ALOX5: variants seen among roughly 807,000 people sequenced by gnomAD.
ALOX5 encodes polyunsaturated fatty acid 5-lipoxygenase.
In ALOX5, 64 loss-of-function variants were observed where a neutral mutation model predicts 87.9. That is an observed-to-expected ratio of 0.73 (90% CI 0.60 to 0.90). The LOEUF is 0.90. Ranked by LOEUF, ALOX5 falls within the 40% of genes least tolerant of loss-of-function variation. The probability of loss-of-function intolerance (pLI) is 0.00; values close to 1 mark genes in which losing one functional copy is unlikely to be tolerated. For missense variants in ALOX5, 822 were observed against 907.5 expected, an observed-to-expected ratio of 0.91 and a Z score of 1.21; for synonymous variants, 388 against 355.1, an observed-to-expected ratio of 1.09 and a Z score of -1.04.
At chr10:45,396,289 T>C (rs17153289) in intron 3 of ALOX5, among the ~76,000 whole-genome samples, 3,416 of 152,188 alleles carry the variant, frequency 0.022, 124 homozygotes, top group African/African-American at 0.078. Flanking sequence ...TGATCAGCAA[T>C]AAAATTGACA....
At chr10:45,382,053 C>A (rs1209036582) in intron 1 of ALOX5, among the ~76,000 whole-genome samples, 6 of 152,166 alleles carry the variant, frequency 3.9e-5, no homozygotes, top group Admixed American at 3.9e-4. Context: ...AAGATGAAGA[C>A]CCCAAGAAGC....
At chr10:45,429,625 T>C (rs919802907) in intron 7 of ALOX5, among the ~76,000 whole-genome samples, 10 of 152,130 alleles carry the variant, frequency 6.6e-5, no homozygotes, top group Admixed American at 5.9e-4. Flanking sequence ...AAGCAATAGG[T>C]GAGGTTATTT....
rs1198875200 is a variant in ALOX5 at position 45,393,369 on chromosome 10, T to C, written c.350-2486T>C. Among the ~76,000 whole-genome samples, 6 of 152,176 alleles carry C rather than the reference T, an allele frequency of 3.9e-5. No homozygotes were observed. The East Asian group carries it at 9.6e-4, about 24-fold the overall frequency. ...GACAAAAACCACATGATTATCTCAA[T>C]AGATGCAGAAAAGGCCTTTGACAAA... On this transcript the variant is annotated intron_variant, in intron 2 of 13. Coordinates refer to ENST00000374391, the MANE Select transcript of ALOX5 (RefSeq NM_000698.5).
Position 45,374,244 on chromosome 10 carries a change from A to T in ALOX5, c.-36A>T. On this transcript the variant is annotated 5_prime_UTR_variant, in exon 1 of 14. Coordinates refer to ENST00000374391, the MANE Select transcript of ALOX5 (RefSeq NM_000698.5). ...TGCGGACACCTGGACCGCCGCGCCGAGGCTCCCGGCGCTCGCTGCTCCCGC... is the reference window on the plus strand; with the variant it reads ...TGCGGACACCTGGACCGCCGCGCCGTGGCTCCCGGCGCTCGCTGCTCCCGC... 1 of 1,448,738 alleles carries T rather than the reference A, an allele frequency of 6.9e-7. No individual in the cohort carries two copies. The highest frequency in any genetic ancestry group is 9.1e-7 in the Non-Finnish European group (1 of 1,100,206). 89.7% of individuals were successfully genotyped at this position (1,448,738 alleles called of 1,614,324 possible). A position where few individuals can be genotyped will look rare whatever the true frequency, so the allele number is the denominator to read the frequency against.
chr10:45,410,674 T>C lies in ALOX5; in HGVS notation c.432-1517T>C, dbSNP rs200634300. ...TTTACTTTCCTCTCAAAAGAAAATT[T>C]TAAAAGGAAGGAGAATTAGGAATAT... is the stretch of plus-strand genomic sequence containing the variant. On this transcript the variant is annotated intron_variant, in intron 3 of 13. Coordinates refer to ENST00000374391, the MANE Select transcript of ALOX5 (RefSeq NM_000698.5). Among the ~76,000 whole-genome samples the C allele has an allele frequency of 3.9e-5, 6 of 152,322 alleles. No homozygotes were observed. In the East Asian group the frequency reaches 1.2e-3, roughly 29 times the overall value.
Position 45,412,314 on chromosome 10 carries a change from G to A in ALOX5, c.554+1G>A, listed in dbSNP as rs199499510. 1.6e-5 allele frequency: 26 copies of A among 1,614,084 alleles called. No homozygotes were observed. The highest frequency in any genetic ancestry group is 5.0e-5 in the Admixed American group (3 of 60,020). On this transcript the variant is annotated splice_donor_variant, in intron 4 of 13. Transcript: ENST00000374391. LOFTEE classifies it high-confidence loss of function. The stretch of plus-strand genomic sequence containing the variant: ...ACTTTGTTCTGAATTACTCCAAAGC[G>A]TAAGTTTACGAGAACTGAGGGACTC...
intron 13 of ALOX5, among the ~76,000 whole-genome samples, chr10:45,445,019 C>T (rs911511681): frequency 6.6e-6 from 1 of 152,260 alleles, no homozygotes; most frequent in Non-Finnish European, 1.5e-5. Flanking sequence ...TCTAGCTCTG[C>T]CCCGCAGACA....
intron 4 of ALOX5, among the ~76,000 whole-genome samples, chr10:45,417,310 A>G (rs2132778598): frequency 6.6e-6 from 1 of 152,198 alleles, no homozygotes; most frequent in African/African-American, 2.4e-5. Context: ...CATGCTGCCC[A>G]CTCTGCACAA....
chr10:45,442,377 G>A (rs975041428), intron 9 of ALOX5, among the ~76,000 whole-genome samples: 4 of 152,206 alleles, frequency 2.6e-5, no homozygotes, highest in African/African-American at 9.6e-5. Context: ...TCCTGCTTGG[G>A]CTGAATGCCC....
Position 45,374,431 on chromosome 10 carries a change from TGAGCGCGGGCGGGGCACGGGTG to T in ALOX5, c.150+13_150+34del. Reference sequence around the variant, plus strand: ...TACAACGACTTCGAGCGTGGCGCGGTGAGCGCGGGCGGGGCACGGGTGGAGCGCGGGCTGAGGTGCGTCCGGG... The same window carrying T: ...TACAACGACTTCGAGCGTGGCGCGGTGAGCGCGGGCTGAGGTGCGTCCGGG... On this transcript the variant is annotated splice_donor_5th_base_variant and intron_variant, in intron 1 of 13. Coordinates refer to ENST00000374391, the MANE Select transcript of ALOX5 (RefSeq NM_000698.5). 15 of 1,545,788 alleles carry T rather than the reference TGAGCGCGGGCGGGGCACGGGTG, an allele frequency of 9.7e-6. No homozygotes were observed. Among genetic ancestry groups the T allele is most frequent in the Non-Finnish European group, 1.2e-5 (14 of 1,151,058 alleles).
intron 7 of ALOX5, among the ~76,000 whole-genome samples, chr10:45,438,622 G>A (rs1842129313): frequency 6.6e-6 from 1 of 152,234 alleles, no homozygotes; most frequent in African/African-American, 2.4e-5. Flanking sequence ...CTAGGGCACA[G>A]ATCAGGTATC....
chr10:45,391,374 C>T (rs377086461), intron 2 of ALOX5, among the ~76,000 whole-genome samples: 5 of 152,208 alleles, frequency 3.3e-5, no homozygotes, highest in East Asian at 1.9e-4. Flanking sequence ...GGATTGCAGA[C>T]GGAGTCTCAT....
chr10:45,414,266 C>A (rs1841183053), intron 4 of ALOX5, among the ~76,000 whole-genome samples: 1 of 151,812 alleles, frequency 6.6e-6, no homozygotes, highest in Non-Finnish European at 1.5e-5. Flanking sequence ...CAGAACAGAG[C>A]CCTCAGAAAT....
Position 45,443,094 on chromosome 10 carries a change from C to T in ALOX5, c.1329C>T (p.Asp443=), listed in dbSNP as rs1387647651. The change falls in exon 10 of 14, where the codon GAC becomes GAT. Residue 443 remains aspartate (D), a synonymous_variant. Transcript: ENST00000374391. ...AGATGGTGCAGAGGGCCATGAAGGA[C>T]CTGACCTATGCCTCCCTGTGCTTTC... is the stretch of plus-strand genomic sequence containing the variant. ...HVQMVQRAMK[D]LTYASLCFPE... is the part of the protein sequence containing the mutation. 2 of 1,613,766 alleles carry T rather than the reference C, an allele frequency of 1.2e-6. No individual in the cohort carries two copies. The highest frequency in any genetic ancestry group is 2.2e-5 in the South Asian group (2 of 91,084).
At position 45,385,218 on chromosome 10, in the gene ALOX5, G is replaced by A. The variant is rs1839970194; in HGVS notation, c.349+2537G>A. 2.0e-5 allele frequency among the ~76,000 whole-genome samples: 3 copies of A among 152,270 alleles called. No homozygotes were observed. In the South Asian group the frequency reaches 6.2e-4, roughly 32 times the overall value. On this transcript the variant is annotated intron_variant, in intron 2 of 13. Transcript: ENST00000374391. The stretch of plus-strand genomic sequence containing the variant: ...AACAACCTGGAAATGAGGGGGGCCA[G>A]CCTACAAGTGATTCAATTACTCACC...
intron 11 of ALOX5, 38 bp downstream of exon 11, chr10:45,443,575 G>C: frequency 6.3e-7 from 1 of 1,598,746 alleles, no homozygotes; most frequent in Non-Finnish European, 8.5e-7. Flanking sequence ...CGGCTCCCCC[G>C]CAGTCGGCAG....
chr10:45,388,602 A>G (rs1437935937), intron 2 of ALOX5, among the ~76,000 whole-genome samples: 3 of 152,258 alleles, frequency 2.0e-5, no homozygotes, highest in Non-Finnish European at 4.4e-5. Context: ...ACCTCTAGCA[A>G]ACATCAACAA....
intron 9 of ALOX5, chr10:45,442,746 C>T: frequency 2.4e-6 from 1 of 417,356 alleles, no homozygotes; most frequent in Admixed American, 4.1e-5. Context: ...CACACACCTG[C>T]CCACGCCTGC....
intron 2 of ALOX5, among the ~76,000 whole-genome samples, chr10:45,394,907 T>C (rs1840442312): frequency 6.6e-6 from 1 of 152,230 alleles, no homozygotes; most frequent in South Asian, 2.1e-4. Context: ...CATAATGATA[T>C]ACCATCTCAC....
Sources: allele counts gnomAD v4.1 joint callset (sites outside exome capture counted in the v4.1 genomes callset), GRCh38; gene constraint gnomAD v4.1.1; transcripts MANE v1.5; gene names NCBI Gene and HGNC (gene_info 2026-07-23, HGNC 2026-07-21).